Variants in RYK observed in about 807,000 individuals in gnomAD.
RYK encodes the protein inactive tyrosine-protein kinase RYK.
A neutral mutation model predicts 70.2 loss-of-function variants in RYK; 21 were observed. That is an observed-to-expected ratio of 0.30 (90% CI 0.21 to 0.43). The LOEUF is 0.43. RYK is among the 20% of genes least tolerant of loss of function. The pLI, the probability that RYK is intolerant of heterozygous loss-of-function variation, is 1.00. For synonymous variants in RYK, 267 were observed against 278.0 expected (o/e 0.96, Z 0.39); for missense variants, 604 against 753.3 (o/e 0.80, Z 2.32).
At chr3:134,237,939 A>G (rs1040031072) in intron 1 of RYK, among the ~76,000 whole-genome samples, 3 of 152,224 alleles carry the variant, frequency 2.0e-5, no homozygotes, top group Admixed American at 6.5e-5. Context: ...GAAAAAACCA[A>G]TATCACTTAA....
At chr3:134,222,228 T>G (rs1042628698) in intron 2 of RYK, among the ~76,000 whole-genome samples, 190 bp downstream of exon 2, 1 of 152,218 alleles carries the variant, frequency 6.6e-6, no homozygotes, top group African/African-American at 2.4e-5. Context: ...CACCTTCGTT[T>G]TAAAGGATTC....
At chr3:134,245,740 C>G (rs1559769243) in intron 1 of RYK, among the ~76,000 whole-genome samples, 4 of 152,252 alleles carry the variant, frequency 2.6e-5, no homozygotes, top group South Asian at 4.1e-4. Flanking sequence ...ACCCTGGCAG[C>G]TGGCATATCA....
chr3:134,242,178 G>A (rs1398803670), intron 1 of RYK, among the ~76,000 whole-genome samples: 2 of 151,974 alleles, frequency 1.3e-5, no homozygotes, highest in Non-Finnish European at 2.9e-5. Flanking sequence ...GGTGGTGGAC[G>A]CCTGTGATCC....
chr3:134,181,285 T>G (rs375508673), intron 10 of RYK: 1 of 152,258 alleles, frequency 6.6e-6, no homozygotes, highest in East Asian at 1.9e-4. Flanking sequence ...AAGGACAATA[T>G]TCCAACTGTT....
intron 1 of RYK, among the ~76,000 whole-genome samples, chr3:134,248,675 G>A (rs2015532752): frequency 6.6e-6 from 1 of 152,006 alleles, no homozygotes; most frequent in Non-Finnish European, 1.5e-5. Context: ...AAAATAGCCA[G>A]AAGTGGTCGC....
intron 2 of RYK, among the ~76,000 whole-genome samples, chr3:134,219,466 C>CT (rs2014667988): frequency 6.6e-6 from 1 of 152,240 alleles, no homozygotes; most frequent in Non-Finnish European, 1.5e-5. Flanking sequence ...TATCAGCATT[C>CT]TTTTTTCCTA....
In RYK at chr3:134,241,030, A is replaced by G. The variant is rs188874199; in HGVS notation, c.232+9393T>C. Among the ~76,000 whole-genome samples the G allele has an allele frequency of 1.7e-3, 266 of 152,098 alleles. 2 individuals carry two copies. The highest frequency in any genetic ancestry group is 1.0e-3 in the South Asian group (5 of 4,826). On this transcript the variant is annotated intron_variant, in intron 1 of 14. Transcript: ENST00000623711. ...ACAAACACATGCATATGCACATAAAAAAGGTGGAGGCCTGGTATGGTGGCT... is the reference window on the plus strand; with the variant it reads ...ACAAACACATGCATATGCACATAAAGAAGGTGGAGGCCTGGTATGGTGGCT...
chr3:134,212,162 G>A (rs2014420018), intron 2 of RYK, among the ~76,000 whole-genome samples: 1 of 148,428 alleles, frequency 6.7e-6, no homozygotes, highest in Admixed American at 6.8e-5. Context: ...ATCCCCATTT[G>A]ACCTCTGGAT....
At chr3:134,162,695 T>A (rs2108140032) in intron 13 of RYK, among the ~76,000 whole-genome samples, 1 of 152,338 alleles carries the variant, frequency 6.6e-6, no homozygotes, top group African/African-American at 2.4e-5. Flanking sequence ...AGCAACAAGA[T>A]CTACATGAAA....
intron 5 of RYK, among the ~76,000 whole-genome samples, chr3:134,205,303 C>G (rs2063954494): frequency 2.0e-5 from 3 of 152,130 alleles, no homozygotes; most frequent in Non-Finnish European, 4.4e-5. Flanking sequence ...CTTTCAAAAA[C>G]ACATGGAAAT....
Position 134,158,224 on chromosome 3 carries a change from C to G in RYK, c.1753G>C (p.Glu585Gln). 1.3e-6 allele frequency: 2 copies of G among 1,576,918 alleles called. No homozygotes were observed. Among genetic ancestry groups the G allele is most frequent in the Non-Finnish European group, 1.7e-6 (2 of 1,159,938 alleles). The change falls in exon 15 of 15, where the codon GAG (glutamate) becomes CAG (glutamine). Residue 585 changes from glutamate to glutamine, a missense_variant. Transcript: ENST00000623711. Reference protein sequence around the residue: ...MACCWALDPEERPKFQQLVQC... With the variant: ...MACCWALDPEQRPKFQQLVQC... ...ACCAGCTGCTGAAACTTGGGCCTCT[C>G]CTCTGGATCTAAGGCCCAGCAACAG...
At chr3:134,229,842 T>A (rs150605192) in intron 1 of RYK, among the ~76,000 whole-genome samples, 16 of 152,244 alleles carry the variant, frequency 1.1e-4, no homozygotes, top group African/African-American at 3.6e-4. Flanking sequence ...GAACTACAAA[T>A]GAACACCACA....
intron 10 of RYK, chr3:134,179,806 T>TTA (rs1279366417): frequency 6.6e-6 from 1 of 152,256 alleles, no homozygotes; most frequent in Non-Finnish European, 1.5e-5. Flanking sequence ...TCTGTTTCTT[T>TTA]CTTTGTGACT....
intron 6 of RYK, among the ~76,000 whole-genome samples, chr3:134,198,512 A>G (rs2013885136): frequency 6.6e-6 from 1 of 152,228 alleles, no homozygotes; most frequent in Non-Finnish European, 1.5e-5. Context: ...ACCAGACTAT[A>G]AACTCCACAA....
At chr3:134,180,429 A>C (rs1003327266) in intron 10 of RYK, 6 of 152,212 alleles carry the variant, frequency 3.9e-5, no homozygotes, top group African/African-American at 1.4e-4. Context: ...TAAAACATGA[A>C]GCAAACATGC....
intron 13 of RYK, among the ~76,000 whole-genome samples, chr3:134,171,677 G>A (rs1281199796): frequency 6.6e-6 from 1 of 152,022 alleles, no homozygotes; most frequent in Admixed American, 6.6e-5. Context: ...GATCAGCCTG[G>A]GCAACACAGC....
intron 1 of RYK, 87 bp downstream of exon 1, chr3:134,250,336 C>A (rs1489492502): frequency 1.8e-5 from 14 of 769,986 alleles, no homozygotes; most frequent in Non-Finnish European, 2.3e-5. Flanking sequence ...CGCCCGAGGT[C>A]CACGGCTCGC....
At chr3:134,215,449 T>G (rs2014522999) in intron 2 of RYK, among the ~76,000 whole-genome samples, 1 of 152,218 alleles carries the variant, frequency 6.6e-6, no homozygotes, top group South Asian at 2.1e-4. Context: ...GCTGGCTCCT[T>G]TTTTGAGGAA....
Position 134,187,289 on chromosome 3 carries a change from C to T in RYK, c.1102+1548G>A, listed in dbSNP as rs568304198. On this transcript the variant is annotated intron_variant, in intron 9 of 14. Transcript: ENST00000623711. ...AACCAATAAACATAAACCCTTCATA[C>T]TTTCCATGTATTCCTTTAAGTAAAT... Among the ~76,000 whole-genome samples, 341 of 152,254 alleles carry T rather than the reference C, an allele frequency of 2.2e-3. 1 individual carries two copies. The highest frequency in any genetic ancestry group is 7.3e-3 in the African/African-American group (303 of 41,546).
Sources: allele counts gnomAD v4.1 joint callset (sites outside exome capture counted in the v4.1 genomes callset), GRCh38; gene constraint gnomAD v4.1.1; transcripts MANE v1.5; gene names NCBI Gene and HGNC (gene_info 2026-07-23, HGNC 2026-07-21).